The following PCDHGB5 variants were observed in gnomAD, a reference collection of about 807,000 sequenced individuals.
The protein encoded by PCDHGB5 is protocadherin gamma-B5.
A neutral mutation model predicts 62.9 loss-of-function variants in PCDHGB5; 48 were observed. The observed-to-expected ratio is 0.76, with a 90% confidence interval of 0.61 to 0.97. The LOEUF (loss-of-function observed/expected upper bound fraction) is 0.97. Ranked by LOEUF, PCDHGB5 falls within the 50% of genes least tolerant of loss-of-function variation. PCDHGB5 has a pLI of 0.00. For missense variants in PCDHGB5, 1,118 were observed against 1,198.6 expected (o/e 0.93, Z 0.99); for synonymous variants, 474 against 511.2 (o/e 0.93, Z 0.98).
rs1222348421 is a variant in PCDHGB5, at chr5:141,511,044, C to T, written c.2643C>T (p.Asp881=). 1 of 1,614,128 alleles carries T rather than the reference C, an allele frequency of 6.2e-7. No homozygotes were observed. The highest frequency in any genetic ancestry group is 1.3e-5 in the African/African-American group (1 of 74,940). ...GPQFTLQHVP[D]YRQNVYIPGS... is the part of the protein sequence containing the mutation. ...AGTTCACCCTGCAGCACGTGCCCGA[C>T]TACCGCCAGAATGTCTACATCCCAG... The change falls in exon 4 of 4, where the codon GAC becomes GAT. Residue 881 remains aspartate, a synonymous_variant. Coordinates refer to ENST00000617380, the MANE Select transcript of PCDHGB5 (RefSeq NM_018925.3).
intron 3 of PCDHGB5, among the ~76,000 whole-genome samples, chr5:141,506,833 C>A (rs1462038297): frequency 1.3e-5 from 2 of 152,092 alleles, no homozygotes; most frequent in African/African-American, 4.8e-5. Context: ...AACTGATAGC[C>A]CTGCCCTCCA....
At chr5:141,407,549 T>C (rs1159197129) in intron 1 of PCDHGB5, among the ~76,000 whole-genome samples, 4 of 151,912 alleles carry the variant, frequency 2.6e-5, no homozygotes, top group African/African-American at 9.7e-5. Flanking sequence ...TAACAGATTG[T>C]AGAACATAAG....
intron 1 of PCDHGB5, among the ~76,000 whole-genome samples, chr5:141,406,290 G>A (rs2094788974): frequency 6.6e-6 from 1 of 151,998 alleles, no homozygotes; most frequent in Non-Finnish European, 1.5e-5. Flanking sequence ...AAAGCACTGG[G>A]TGAGGTGTGA....
chr5:141,423,609 A>G lies in PCDHGB5; in HGVS notation c.2397+23085A>G, dbSNP rs748925693. The G allele has an allele frequency of 5.0e-6, 8 of 1,611,572 alleles. No homozygotes were observed. The South Asian group carries it at 7.7e-5, about 16-fold the overall frequency. ...GTGAGAAAAGCGAGCCACTCTTGAT[A>G]GCTGAAGACTCAGCTATCATTTTAG... On this transcript the variant is annotated intron_variant, in intron 1 of 3. Transcript: ENST00000617380.
At chr5:141,451,036 G>T (rs973806381) in intron 1 of PCDHGB5, among the ~76,000 whole-genome samples, 1 of 150,880 alleles carries the variant, frequency 6.6e-6, no homozygotes, top group Non-Finnish European at 1.5e-5. Flanking sequence ...CACCATATTG[G>T]CCAGGCTGGT....
chr5:141,486,322 A>G lies in PCDHGB5; in HGVS notation c.2398-8485A>G. The G allele has an allele frequency of 1.9e-6, 3 of 1,613,926 alleles. No homozygotes were observed. The highest frequency in any genetic ancestry group is 2.5e-6 in the Non-Finnish European group (3 of 1,179,962). On this transcript the variant is annotated intron_variant, in intron 1 of 3. Coordinates refer to ENST00000617380, the MANE Select transcript of PCDHGB5 (RefSeq NM_018925.3). This position sits in a 1 kb window ranked among gnomAD's most constrained non-coding sequence, Gnocchi z 5.0. ...AGGATCCAGACTCAGGGTCAAACGG[A>G]GATGTGAGCCTCCGCATTCCTGACC...
chr5:141,494,142 A>AAGACAACT (rs2099752181), intron 1 of PCDHGB5, among the ~76,000 whole-genome samples: 5 of 152,090 alleles, frequency 3.3e-5, no homozygotes, highest in Admixed American at 6.5e-5. Context: ...TTAGTCACAG[A>AAGACAACT]CCATTGTCTG....
chr5:141,503,222 G>T (rs540244346), intron 2 of PCDHGB5, among the ~76,000 whole-genome samples: 1 of 152,120 alleles, frequency 6.6e-6, no homozygotes, highest in East Asian at 1.9e-4. Context: ...CATGAGCACC[G>T]TAAAGATGGA....
chr5:141,457,632 G>T (rs919693977), intron 1 of PCDHGB5, among the ~76,000 whole-genome samples: 1 of 152,142 alleles, frequency 6.6e-6, no homozygotes, highest in Non-Finnish European at 1.5e-5. Context: ...CTTATACTTG[G>T]CCTGATTATT....
chr5:141,501,902 C>G (rs2154593013), intron 2 of PCDHGB5, among the ~76,000 whole-genome samples: 1 of 152,202 alleles, frequency 6.6e-6, no homozygotes, highest in East Asian at 1.9e-4. Flanking sequence ...GGTTCCAACC[C>G]CACTGTTCCA....
intron 1 of PCDHGB5, chr5:141,421,975 G>T: frequency 6.2e-7 from 1 of 1,610,052 alleles, no homozygotes; most frequent in African/African-American, 1.3e-5. Context: ...CGTATATCGC[G>T]TGAGTGTTCC....
At chr5:141,428,164 T>C (rs1221973020) in intron 1 of PCDHGB5, 1 of 1,564,976 alleles carries the variant, frequency 6.4e-7, no homozygotes, top group South Asian at 1.1e-5. Flanking sequence ...TGCTGGTTGC[T>C]GTGCGTGACG....
chr5:141,422,685 C>G lies in PCDHGB5; in HGVS notation c.2397+22161C>G, dbSNP rs754112462. The G allele has an allele frequency of 2.5e-6, 4 of 1,605,144 alleles. No individual in the cohort carries two copies. The South Asian group carries it at 4.5e-5, about 18-fold the overall frequency. On this transcript the variant is annotated intron_variant, in intron 1 of 3. Coordinates refer to ENST00000617380, the MANE Select transcript of PCDHGB5 (RefSeq NM_018925.3). ...TCGACCCGGACAGCAAACAGAATGCCCTGGTCACTTACTCTCTGACGGATG... is the reference window on the plus strand; with the variant it reads ...TCGACCCGGACAGCAAACAGAATGCGCTGGTCACTTACTCTCTGACGGATG...
Position 141,510,964 on chromosome 5 carries a change from T to C in PCDHGB5, c.2563T>C (p.Ser855Pro), listed in dbSNP as rs1237904575. 6.2e-7 allele frequency: 1 copy of C among 1,614,084 alleles called. No individual in the cohort carries two copies. Among genetic ancestry groups the C allele is most frequent in the South Asian group, 1.1e-5 (1 of 91,082 alleles). The change falls in exon 4 of 4, where the codon TCC becomes CCC. Residue 855 changes from serine to proline, a missense_variant. Coordinates refer to ENST00000617380, the MANE Select transcript of PCDHGB5 (RefSeq NM_018925.3). ...CTCTGCAGAAGCTGCTGATGGGAGC[T>C]CCACCCTGGGAGGGGGTGCCGGCAC... is the stretch of plus-strand genomic sequence containing the variant. The part of the protein sequence containing the change: ...ASASEAADGS[S>P]TLGGGAGTMG...
chr5:141,489,040 C>G lies in PCDHGB5; in HGVS notation c.2398-5767C>G. On this transcript the variant is annotated intron_variant, in intron 1 of 3. Coordinates refer to ENST00000617380, the MANE Select transcript of PCDHGB5 (RefSeq NM_018925.3). This position sits in a 1 kb window ranked among gnomAD's most constrained non-coding sequence, Gnocchi z 4.5. ...CCTCTCCTCCTCCAGCTCCCCAGCT[C>G]CACTCAAATTCAGCTCCCCTCCCCC... 1 of 479,752 alleles carries G rather than the reference C, an allele frequency of 2.1e-6. No homozygotes were observed. The highest frequency in any genetic ancestry group is 3.6e-6 in the Non-Finnish European group (1 of 274,204). 29.7% of individuals were successfully genotyped at this position (479,752 alleles called of 1,614,324 possible). A position where few individuals can be genotyped will look rare whatever the true frequency, so the allele number is the denominator to read the frequency against.
intron 1 of PCDHGB5, among the ~76,000 whole-genome samples, chr5:141,472,980 C>CAAAAAAAAAAAAAAAAAGAAAAAA (rs2099309731): frequency 2.3e-5 from 2 of 86,106 alleles, no homozygotes; most frequent in Non-Finnish European, 5.0e-5. Flanking sequence ...GAGTGAAACT[C>CAAAAAAAAAAAAAAAAAGAAAAAA]AAAAAAAAAA....
rs771681529 is a variant in PCDHGB5 at position 141,486,617 on chromosome 5, C to T, written c.2398-8190C>T. The T allele has an allele frequency of 1.2e-6, 2 of 1,613,602 alleles. No individual in the cohort carries two copies. Among genetic ancestry groups the T allele is most frequent in the Non-Finnish European group, 1.7e-6 (2 of 1,180,036 alleles). On this transcript the variant is annotated intron_variant, in intron 1 of 3. Coordinates refer to ENST00000617380, the MANE Select transcript of PCDHGB5 (RefSeq NM_018925.3). The surrounding 1 kb of genome is among the most constrained non-coding windows in gnomAD (Gnocchi z 5.0). ...GCTTTGCTCCCTTGCAGCCTCTGAC[C>T]CAGACTCTGGCTTGAATGCGCTTAT...
chr5:141,469,974 T>C (rs1456176152), intron 1 of PCDHGB5, among the ~76,000 whole-genome samples: 1 of 151,864 alleles, frequency 6.6e-6, no homozygotes, highest in African/African-American at 2.4e-5. Context: ...GTACCAAAAA[T>C]ACAAAAATTA....
At chr5:141,420,747 A>T (rs2096522944) in intron 1 of PCDHGB5, among the ~76,000 whole-genome samples, 1 of 152,220 alleles carries the variant, frequency 6.6e-6, no homozygotes, top group South Asian at 2.1e-4. Flanking sequence ...ATTGGAACCA[A>T]CTACAACCTA....
Sources: allele counts gnomAD v4.1 joint callset (sites outside exome capture counted in the v4.1 genomes callset), GRCh38; gene constraint gnomAD v4.1.1; non-coding constraint Gnocchi (gnomAD v3.1); transcripts MANE v1.5; gene names NCBI Gene and HGNC (gene_info 2026-07-23, HGNC 2026-07-21).